The following NF2 variants were observed in gnomAD, a reference collection of about 807,000 sequenced individuals.
NF2 encodes merlin.
Under a neutral mutation model 83.7 loss-of-function variants are expected in NF2, and 8 were observed. The observed-to-expected ratio is 0.10, with a 90% CI of 0.06 to 0.17. The LOEUF is 0.17. NF2 is among the 10% of genes least tolerant of loss of function. The pLI, the probability that NF2 is intolerant of heterozygous loss-of-function variation, is 1.00. For synonymous variants in NF2, 266 were observed against 269.6 expected (o/e 0.99, Z 0.13); for missense variants, 533 against 744.4 (o/e 0.72, Z 3.31).
At chr22:29,619,847 C>T (rs2065171467) in intron 1 of NF2, among the ~76,000 whole-genome samples, 1 of 152,182 alleles carries the variant, frequency 6.6e-6, no homozygotes, top group South Asian at 2.1e-4. Context: ...GGACCCCATT[C>T]TGCCTTTGTG....
chr22:29,681,265 T>C (rs1025780643), intron 14 of NF2, among the ~76,000 whole-genome samples, 174 bp from the exon 15 acceptor site: 4 of 152,106 alleles, frequency 2.6e-5, no homozygotes, highest in Non-Finnish European at 5.9e-5. Flanking sequence ...GAAACATTCA[T>C]AGCATTTAAG....
intron 1 of NF2, among the ~76,000 whole-genome samples, chr22:29,606,276 C>T (rs747175071): frequency 2.6e-5 from 4 of 152,136 alleles, no homozygotes; most frequent in African/African-American, 4.8e-5. Flanking sequence ...TCCCTTCTTC[C>T]ACCTAGTCCC....
Position 29,674,829 on chromosome 22 carries a change from C to T in NF2, c.1341-7C>T, listed in dbSNP as rs574718828. 215 of 1,553,682 alleles carry T rather than the reference C, an allele frequency of 1.4e-4. 9 individuals are homozygous for T. In the South Asian group the frequency reaches 2.5e-3, roughly 18 times the overall value. On this transcript the variant is annotated splice_polypyrimidine_tract_variant and splice_region_variant and intron_variant, in intron 12 of 15. Transcript: ENST00000338641. ...TGTGAAGCTGACATCTCATCCTTTC[C>T]TTGCAGGGCCAAAGAGGCAGATCAG...
intron 1 of NF2, among the ~76,000 whole-genome samples, chr22:29,628,127 T>C (rs2065413297): frequency 6.7e-6 from 1 of 148,782 alleles, no homozygotes; most frequent in Admixed American, 6.7e-5. Flanking sequence ...GCCAGGGTTC[T>C]GGGAGACTTA....
At chr22:29,651,092 A>G (rs2066135459) in intron 4 of NF2, among the ~76,000 whole-genome samples, 1 of 152,062 alleles carries the variant, frequency 6.6e-6, no homozygotes, top group African/African-American at 2.4e-5. Flanking sequence ...ATGGATTTTC[A>G]TTTATAGGTT....
At chr22:29,643,164 A>T (rs543341124) in intron 4 of NF2, among the ~76,000 whole-genome samples, 84 of 152,194 alleles carry the variant, frequency 5.5e-4, no homozygotes, top group African/African-American at 2.0e-3. Flanking sequence ...GTATTTTTAT[A>T]GAGATGGGGT....
chr22:29,695,834 C>G lies in NF2; in HGVS notation c.*1032C>G, dbSNP rs2067536465. 1 of 233,638 alleles carries G rather than the reference C, an allele frequency of 4.3e-6. No homozygotes were observed. Among genetic ancestry groups the G allele is most frequent in the African/African-American group, 2.2e-5 (1 of 45,340 alleles). 14.5% of individuals were successfully genotyped at this position (233,638 alleles called of 1,614,324 possible). A position where few individuals can be genotyped will look rare whatever the true frequency, so the allele number is the denominator to read the frequency against. ...CCACTTCCCAACCCACTGTTGTACC[C>G]AGGCCTCACTTTGCTGTTGCCCTTG... On this transcript the variant is annotated 3_prime_UTR_variant, in exon 16 of 16. Coordinates refer to ENST00000338641, the MANE Select transcript of NF2 (RefSeq NM_000268.4). The surrounding 1 kb of genome is among the most constrained non-coding windows in gnomAD (Gnocchi z 5.4).
chr22:29,683,261 GCCCCAGAAGA>G, intron 15 of NF2: 1 of 1,499,484 alleles, frequency 6.7e-7, no homozygotes, highest in East Asian at 2.4e-5. Flanking sequence ...AGCCTCCAGG[GCCCCAGAAGA>G]CTGCCTCGTT....
intron 8 of NF2, among the ~76,000 whole-genome samples, chr22:29,663,812 G>A (rs1461803043): frequency 6.6e-6 from 1 of 152,176 alleles, no homozygotes; most frequent in South Asian, 2.1e-4. Context: ...TATCCATTTT[G>A]TAAGTGCATC....
At chr22:29,620,643 G>T (rs1008338589) in intron 1 of NF2, among the ~76,000 whole-genome samples, 2 of 151,746 alleles carry the variant, frequency 1.3e-5, no homozygotes, top group African/African-American at 2.4e-5. Context: ...GGAGGCTGAG[G>T]CAGGATAATT....
chr22:29,686,692 T>C (rs2067278301), intron 15 of NF2, among the ~76,000 whole-genome samples: 1 of 152,252 alleles, frequency 6.6e-6, no homozygotes, highest in African/African-American at 2.4e-5. Context: ...CTTGTAATAT[T>C]TCACTTGGGT....
intron 15 of NF2, among the ~76,000 whole-genome samples, chr22:29,682,135 G>A (rs1189612371): frequency 2.6e-5 from 4 of 152,030 alleles, no homozygotes; most frequent in Non-Finnish European, 1.5e-5. Flanking sequence ...TTCTCTACTG[G>A]TATTTTGAGC....
chr22:29,630,543 CTCCTATTAG>C (rs1376002362), intron 1 of NF2, among the ~76,000 whole-genome samples: 1 of 152,250 alleles, frequency 6.6e-6, no homozygotes, highest in African/African-American at 2.4e-5. Flanking sequence ...TTCCAGACTC[CTCCTATTAG>C]TCTCTATGCC....
At chr22:29,655,706 C>A (rs2146974576) in intron 6 of NF2, 30 bp downstream of exon 6, 2 of 1,520,736 alleles carry the variant, frequency 1.3e-6, no homozygotes, top group Non-Finnish European at 1.8e-6. Flanking sequence ...GGTTTACATT[C>A]CTTTATGGGC....
rs2067504396 is a variant in NF2, at chr22:29,694,874, G to A, written c.*72G>A. On this transcript the variant is annotated 3_prime_UTR_variant, in exon 16 of 16. Coordinates refer to ENST00000338641, the MANE Select transcript of NF2 (RefSeq NM_000268.4). This position sits in a 1 kb window ranked among gnomAD's most constrained non-coding sequence, Gnocchi z 4.1. ...GACCGCGGGATGGACCAGATATCAA[G>A]AGAGCCATCCATAGGGAGCTGGCTG... 7 of 1,506,906 alleles carry A rather than the reference G, an allele frequency of 4.6e-6. No individual in the cohort carries two copies. In the Admixed American group the frequency reaches 7.3e-5, roughly 16 times the overall value. 93.3% of individuals were successfully genotyped at this position (1,506,906 alleles called of 1,614,324 possible). A position where few individuals can be genotyped will look rare whatever the true frequency, so the allele number is the denominator to read the frequency against.
chr22:29,612,806 T>C lies in NF2; in HGVS notation c.114+8694T>C, dbSNP rs552842615. Among the ~76,000 whole-genome samples the C allele has an allele frequency of 1.1e-3, 162 of 152,238 alleles. 1 individual carries two copies. Among genetic ancestry groups the C allele is most frequent in the African/African-American group, 3.8e-3 (156 of 41,546 alleles). On this transcript the variant is annotated intron_variant, in intron 1 of 15. Transcript: ENST00000338641. ...TCCCAGTTTATTTCATTGTAGAAATTGACAAGTCTCCAGGCGTAGTGGCTC... is the reference window on the plus strand; with the variant it reads ...TCCCAGTTTATTTCATTGTAGAAATCGACAAGTCTCCAGGCGTAGTGGCTC...
rs1183954552 is a variant in NF2 at position 29,697,553 on chromosome 22, G to C, written c.*2751G>C. ...TTTCACAGACTGGTTCCTGTGGCTG[G>C]GATGACTGCATCCTTTTTTTTTTTT... On this transcript the variant is annotated 3_prime_UTR_variant, in exon 16 of 16. Transcript: ENST00000338641. 1 of 180,872 alleles carries C rather than the reference G, an allele frequency of 5.5e-6. No homozygotes were observed. The highest frequency in any genetic ancestry group is 9.0e-5 in the East Asian group (1 of 11,112). The allele number at this position is 180,872 out of a possible 1,614,324, so 11.2% of individuals were successfully genotyped here.
intron 12 of NF2, among the ~76,000 whole-genome samples, chr22:29,674,098 C>G (rs1348968531): frequency 6.6e-6 from 1 of 152,234 alleles, no homozygotes; most frequent in Non-Finnish European, 1.5e-5. Flanking sequence ...GCTTTTGGCT[C>G]TGTTGATTTA....
intron 1 of NF2, among the ~76,000 whole-genome samples, chr22:29,604,627 AT>A (rs2064738033): frequency 6.6e-6 from 1 of 152,298 alleles, no homozygotes; most frequent in Non-Finnish European, 1.5e-5. Context: ...AGTGCTAGAC[AT>A]TTGCACATTT....
Sources: gnomAD v4.1 joint callset for allele counts (sites outside exome capture counted in the v4.1 genomes callset) on GRCh38, gnomAD v4.1.1 for gene constraint, Gnocchi (gnomAD v3.1) non-coding constraint, MANE v1.5 for transcripts, NCBI Gene and HGNC (gene_info 2026-07-23, HGNC 2026-07-21) for gene names.